CERS6: variants seen among roughly 807,000 people sequenced by gnomAD.
CERS6 encodes the protein ceramide synthase 6, also known as LAG1 homolog, ceramide synthase 6.
A neutral mutation model predicts 56.8 loss-of-function variants in CERS6; 26 were observed. The observed-to-expected ratio is 0.46, with a 90% CI of 0.34 to 0.63. The LOEUF (loss-of-function observed/expected upper bound fraction) is 0.63, where lower values mean the gene tolerates loss of function less well. CERS6 is among the 30% of genes least tolerant of loss of function. The pLI is 0.01. For synonymous variants in CERS6, 164 were observed against 173.3 expected, an observed-to-expected ratio of 0.95 and a Z score of 0.42; for missense variants, 415 against 467.5, an observed-to-expected ratio of 0.89 and a Z score of 1.04.
chr2:168,458,821 C>T (rs1348697331), intron 1 of CERS6, among the ~76,000 whole-genome samples: 1 of 152,224 alleles, frequency 6.6e-6, no homozygotes, highest in Non-Finnish European at 1.5e-5. Flanking sequence ...CTTCTCAATT[C>T]TCTGAAAATC....
intron 1 of CERS6, among the ~76,000 whole-genome samples, chr2:168,477,049 A>C (rs1333633666): frequency 6.6e-6 from 1 of 152,102 alleles, no homozygotes; most frequent in Non-Finnish European, 1.5e-5. Context: ...AGACAAGCCT[A>C]AGATCAAGGC....
chr2:168,464,110 TCTTA>T (rs1693825438), intron 1 of CERS6, among the ~76,000 whole-genome samples: 2 of 152,210 alleles, frequency 1.3e-5, no homozygotes, highest in South Asian at 4.2e-4. Flanking sequence ...TCAGGTTTTT[TCTTA>T]CTTCTTAATG....
chr2:168,494,574 C>G (rs1694430168), intron 1 of CERS6, among the ~76,000 whole-genome samples: 1 of 152,020 alleles, frequency 6.6e-6, no homozygotes. Context: ...CTTTGTCAGC[C>G]CTTTCCAGTG....
At chr2:168,518,078 T>C (rs1694915503) in intron 1 of CERS6, among the ~76,000 whole-genome samples, 1 of 152,204 alleles carries the variant, frequency 6.6e-6, no homozygotes, top group Non-Finnish European at 1.5e-5. Flanking sequence ...GTGTCATAAT[T>C]TAGTCATTGT....
At chr2:168,511,598 C>T (rs1393245079) in intron 1 of CERS6, among the ~76,000 whole-genome samples, 2 of 152,124 alleles carry the variant, frequency 1.3e-5, no homozygotes, top group African/African-American at 4.8e-5. Context: ...GAAACCTCAG[C>T]TTTGGGCTAT....
At chr2:168,752,053 T>A (rs1321021341) in intron 8 of CERS6, among the ~76,000 whole-genome samples, 1 of 152,156 alleles carries the variant, frequency 6.6e-6, no homozygotes, top group South Asian at 2.1e-4. Context: ...GGGATACAAT[T>A]GCATTGGTTA....
At chr2:168,687,918 G>A (rs946373248) in intron 4 of CERS6, among the ~76,000 whole-genome samples, 10 of 152,060 alleles carry the variant, frequency 6.6e-5, no homozygotes, top group African/African-American at 7.2e-5. Flanking sequence ...TGCCCAGGCC[G>A]GTCTTGAGCT....
At chr2:168,692,186 A>G (rs930653411) in intron 5 of CERS6, among the ~76,000 whole-genome samples, 2 of 152,170 alleles carry the variant, frequency 1.3e-5, no homozygotes, top group African/African-American at 4.8e-5. Flanking sequence ...AGGATATTTG[A>G]TAGAGACTAA....
At chr2:168,670,329 T>C (rs942656861) in intron 4 of CERS6, among the ~76,000 whole-genome samples, 1 of 152,154 alleles carries the variant, frequency 6.6e-6, no homozygotes, top group Non-Finnish European at 1.5e-5. Context: ...AATACCAGCC[T>C]CGTGAGAAAT....
intron 1 of CERS6, among the ~76,000 whole-genome samples, chr2:168,525,091 G>T (rs564928533): frequency 2.0e-5 from 3 of 152,294 alleles, no homozygotes; most frequent in Non-Finnish European, 2.9e-5. Flanking sequence ...TTCTAAGGAA[G>T]AATTTCCTTA....
rs529213981 is a variant in CERS6 at position 168,482,014 on chromosome 2, C to T, written c.170+25396C>T. Among the ~76,000 whole-genome samples, 3 of 152,202 alleles carry T rather than the reference C, an allele frequency of 2.0e-5. No homozygotes were observed. The South Asian group carries it at 6.2e-4, about 32-fold the overall frequency. On this transcript the variant is annotated intron_variant, in intron 1 of 9. Coordinates refer to ENST00000305747, the MANE Select transcript of CERS6 (RefSeq NM_203463.3). ...CTTTCAACAGTTCTGTTATGGAACC[C>T]TTATAAATCCAGTAAATATGAACAA...
At chr2:168,569,478 G>A (rs1199768432) in intron 3 of CERS6, among the ~76,000 whole-genome samples, 1 of 152,234 alleles carries the variant, frequency 6.6e-6, no homozygotes, top group African/African-American at 2.4e-5. Context: ...CTCATAACTG[G>A]TGTGACTAAG....
At position 168,686,331 on chromosome 2, in the gene CERS6, G is replaced by A. The variant is rs115013769; in HGVS notation, c.466-4703G>A. 8.1e-3 allele frequency among the ~76,000 whole-genome samples: 1,211 copies of A among 150,384 alleles called. 14 individuals are homozygous for A. The highest frequency in any genetic ancestry group is 0.028 in the African/African-American group (1,128 of 40,850). On this transcript the variant is annotated intron_variant, in intron 4 of 9. Coordinates refer to ENST00000305747, the MANE Select transcript of CERS6 (RefSeq NM_203463.3). ...TTTAAGACTCTAACCTTATGACCTC[G>A]TTTTATGTTAATTACCTTCCAAAGG... is the stretch of plus-strand genomic sequence containing the variant.
intron 4 of CERS6, among the ~76,000 whole-genome samples, chr2:168,660,506 C>A (rs1685602006): frequency 6.6e-6 from 1 of 152,082 alleles, no homozygotes; most frequent in South Asian, 2.1e-4. Context: ...AATGTTTTCA[C>A]ACTCTTCTAA....
chr2:168,482,599 A>G (rs1478916213), intron 1 of CERS6, among the ~76,000 whole-genome samples: 1 of 152,274 alleles, frequency 6.6e-6, no homozygotes, highest in Non-Finnish European at 1.5e-5. Flanking sequence ...AAAGGGCTGC[A>G]ATCAGGCATC....
At chr2:168,481,769 T>A (rs1286226307) in intron 1 of CERS6, among the ~76,000 whole-genome samples, 1 of 152,260 alleles carries the variant, frequency 6.6e-6, no homozygotes, top group East Asian at 1.9e-4. Context: ...TTCTCCCAAA[T>A]GTGGGTTTAC....
In CERS6 at chr2:168,600,369, T is replaced by C. The variant is rs569828947; in HGVS notation, c.408-30616T>C. On this transcript the variant is annotated intron_variant, in intron 3 of 9. Transcript: ENST00000305747. ...ACAGGCACCCACCACCACACCTGGC[T>C]AATTTTTTGTATTTTTAGTAGAGAC... Among the ~76,000 whole-genome samples the C allele has an allele frequency of 2.0e-5, 3 of 152,156 alleles. No individual in the cohort carries two copies. The East Asian group carries it at 5.8e-4, about 29-fold the overall frequency.
At position 168,470,702 on chromosome 2, in the gene CERS6, G is replaced by GA. The variant is rs928326703; in HGVS notation, c.170+14085dup. 1.4e-3 allele frequency among the ~76,000 whole-genome samples: 205 copies of GA among 151,500 alleles called. 1 individual carries two copies. Among genetic ancestry groups the GA allele is most frequent in the Non-Finnish European group, 3.1e-4 (21 of 67,766 alleles). On this transcript the variant is annotated intron_variant, in intron 1 of 9. Transcript: ENST00000305747. ...CTTGCAGAATTGCAAAGGGACTAGG[G>GA]AGAGAACAAAAACAGATATGCAGGT...
chr2:168,561,184 T>C lies in CERS6; in HGVS notation c.277-8T>C, dbSNP rs1695779505. ...TGAAAATTATTTTTCTGGTACCTTGTTTCATAGCATCCTGATGAAAAGAGA... is the reference window on the plus strand; with the variant it reads ...TGAAAATTATTTTTCTGGTACCTTGCTTCATAGCATCCTGATGAAAAGAGA... On this transcript the variant is annotated splice_polypyrimidine_tract_variant and splice_region_variant and intron_variant, in intron 2 of 9. Transcript: ENST00000305747. 1 of 1,613,566 alleles carries C rather than the reference T, an allele frequency of 6.2e-7. No homozygotes were observed. The highest frequency in any genetic ancestry group is 1.3e-5 in the African/African-American group (1 of 74,880).
Sources: gnomAD v4.1 joint callset for allele counts (sites outside exome capture counted in the v4.1 genomes callset) on GRCh38, gnomAD v4.1.1 for gene constraint, MANE v1.5 for transcripts, NCBI Gene and HGNC (gene_info 2026-07-23, HGNC 2026-07-21) for gene names.